Variants in ANK2 observed in about 807,000 individuals in gnomAD.
The protein encoded by ANK2 is ankyrin 2.
ANK2 carries 83 observed loss-of-function variants against 360.5 expected under a neutral mutation model. The observed-to-expected ratio is 0.23, with a 90% CI of 0.19 to 0.28. The LOEUF (loss-of-function observed/expected upper bound fraction) is 0.28, where lower values mean the gene tolerates loss of function less well. ANK2 is among the 10% of genes least tolerant of loss of function. The probability of loss-of-function intolerance (pLI) is 1.00; values close to 1 mark genes in which losing one functional copy is unlikely to be tolerated. For missense variants in ANK2, 4,201 were observed against 4,795.7 expected (o/e 0.88, Z 3.66); for synonymous variants, 1,740 against 1,759.5 (o/e 0.99, Z 0.28).
At chr4:112,911,413 C>A (rs2087318380) in intron 2 of ANK2, among the ~76,000 whole-genome samples, 1 of 151,872 alleles carries the variant, frequency 6.6e-6, no homozygotes, top group Non-Finnish European at 1.5e-5. Context: ...CTTCCTCATA[C>A]TCCGGAGGCT....
At chr4:112,975,339 C>T (rs1055258381) in intron 2 of ANK2, among the ~76,000 whole-genome samples, 2 of 151,792 alleles carry the variant, frequency 1.3e-5, no homozygotes, top group Non-Finnish European at 1.5e-5. Context: ...TTGAAGATGC[C>T]AAATGTTCCT....
chr4:112,794,555 G>A, the ANK2 span, among the ~76,000 whole-genome samples: 1 of 152,124 alleles, frequency 6.6e-6, no homozygotes, highest in African/African-American at 2.4e-5. Context: ...CAATATATAA[G>A]CCTAAATTTA....
the ANK2 span, among the ~76,000 whole-genome samples, chr4:112,713,109 G>A: frequency 6.6e-6 from 1 of 152,130 alleles, no homozygotes; most frequent in Non-Finnish European, 1.5e-5. Flanking sequence ...AAATTACCTA[G>A]AATAAAACCA....
At chr4:112,761,846 ACTC>A in the ANK2 span, among the ~76,000 whole-genome samples, 1 of 151,982 alleles carries the variant, frequency 6.6e-6, no homozygotes, top group Non-Finnish European at 1.5e-5. Context: ...TCTCCTATAA[ACTC>A]CTTGAAAGAA....
chr4:113,150,970 C>T (rs1408180709), intron 1 of ANK2: 5 of 898,394 alleles, frequency 5.6e-6, no homozygotes, highest in Non-Finnish European at 7.5e-6. Context: ...CTTTGAAGTT[C>T]CTACCAGCTA....
chr4:113,037,026 T>C lies in ANK2; in HGVS notation c.21+132512T>C, dbSNP rs181925287. On this transcript the variant is annotated intron_variant, in intron 2 of 30. Coordinates refer to the ANK2 transcript ENST00000503271. ...GGGAGCAGGGAAACTGACACAAATA[T>C]GCTGATGCTAATGTTACTTGCAGTG... Among the ~76,000 whole-genome samples, 3 of 152,096 alleles carry C rather than the reference T, an allele frequency of 2.0e-5. No individual in the cohort carries two copies. In the East Asian group the frequency reaches 5.8e-4, roughly 30 times the overall value.
the ANK2 span, among the ~76,000 whole-genome samples, chr4:112,809,393 C>G: frequency 6.6e-6 from 1 of 151,008 alleles, no homozygotes; most frequent in East Asian, 2.0e-4. Flanking sequence ...AACCCCGTCT[C>G]TACTAAATAT....
chr4:112,795,506 A>T, the ANK2 span, among the ~76,000 whole-genome samples: 1 of 151,596 alleles, frequency 6.6e-6, no homozygotes, highest in Admixed American at 6.6e-5. Context: ...ACTAGATTAA[A>T]TTTTTTTTAT....
At chr4:112,813,351 A>T (rs1419202251), upstream of ANK2, among the ~76,000 whole-genome samples, 1 of 152,112 alleles carries the variant, frequency 6.6e-6, no homozygotes, top group East Asian at 1.9e-4. Context: ...CATGTTTCCC[A>T]AAAGCAGAAT....
intron 1 of ANK2, among the ~76,000 whole-genome samples, chr4:112,869,707 G>A (rs1580132340): frequency 6.6e-6 from 1 of 152,284 alleles, no homozygotes; most frequent in East Asian, 1.9e-4. Flanking sequence ...ATTTGAGACA[G>A]ATTCTCAGTC....
At chr4:113,156,045 C>A (rs1341191080) in intron 1 of ANK2, among the ~76,000 whole-genome samples, 1 of 152,184 alleles carries the variant, frequency 6.6e-6, no homozygotes, top group Admixed American at 6.5e-5. Context: ...TTCTTTGACA[C>A]TGTTAATTCA....
chr4:113,248,436 A>G (rs922902562), intron 9 of ANK2, among the ~76,000 whole-genome samples: 12 of 152,102 alleles, frequency 7.9e-5, no homozygotes, highest in Non-Finnish European at 1.5e-4. Context: ...GTAAAGACAC[A>G]CAGCCGGATT....
intron 23 of ANK2, among the ~76,000 whole-genome samples, chr4:113,306,700 T>C (rs977480161): frequency 6.6e-6 from 1 of 152,166 alleles, no homozygotes; most frequent in Admixed American, 6.5e-5. Flanking sequence ...TATATATATA[T>C]ATTTTCAGTT....
At chr4:112,925,005 A>T (rs1197905422) in intron 2 of ANK2, among the ~76,000 whole-genome samples, 1 of 151,752 alleles carries the variant, frequency 6.6e-6, no homozygotes, top group Admixed American at 6.6e-5. Context: ...CACCCGGCTA[A>T]TTTTTTGTAT....
rs754169653 is a variant in ANK2, at chr4:113,369,822, C to T, written c.11610+17C>T. ...TTTGAAAAGGTAAGACATTCCTCTC[C>T]ACTTTCTCGCCCACCTGTAACAAAG... On this transcript the variant is annotated intron_variant, in intron 43 of 45. Transcript: ENST00000357077. The T allele has an allele frequency of 6.2e-7, 1 of 1,613,908 alleles. No homozygotes were observed. The highest frequency in any genetic ancestry group is 1.1e-5 in the South Asian group (1 of 91,026).
rs915326433 is a variant in ANK2 at position 113,294,766 on chromosome 4, T to C, written c.2475+1228T>C. ...CAGTTCACCACAATATTTTTAAAGA[T>C]TTAAGGTATAGCTTTGATAAATTAT... is the stretch of plus-strand genomic sequence containing the variant. On this transcript the variant is annotated intron_variant, in intron 22 of 45. Coordinates refer to ENST00000357077, the MANE Select transcript of ANK2 (RefSeq NM_001148.6). Among the ~76,000 whole-genome samples, 21 of 152,326 alleles carry C rather than the reference T, an allele frequency of 1.4e-4. No individual in the cohort carries two copies. The Middle Eastern group carries it at 0.014, about 99-fold the overall frequency.
At chr4:113,298,994 A>G (rs561015387) in intron 22 of ANK2, among the ~76,000 whole-genome samples, 2 of 152,356 alleles carry the variant, frequency 1.3e-5, no homozygotes, top group South Asian at 4.1e-4. Context: ...CTTCTCATGT[A>G]TAAATGATAT....
Position 113,313,138 on chromosome 4 carries a change from T to G in ANK2, c.2693+1739T>G, listed in dbSNP as rs1012078838. Among the ~76,000 whole-genome samples the G allele has an allele frequency of 2.6e-5, 4 of 152,220 alleles. No homozygotes were observed. The East Asian group carries it at 7.7e-4, about 29-fold the overall frequency. ...CCCAGAAGGAGGAGCCCCTCTGGAG[T>G]TCCATAAGCTGTCTTGATACATTGG... On this transcript the variant is annotated intron_variant, in intron 24 of 45. Coordinates refer to ENST00000357077, the MANE Select transcript of ANK2 (RefSeq NM_001148.6).
intron 31 of ANK2, among the ~76,000 whole-genome samples, chr4:113,338,543 C>CTTTGTTTTTTT (rs2093847363): frequency 1.0e-5 from 1 of 96,118 alleles, no homozygotes; most frequent in Non-Finnish European, 1.9e-5. Flanking sequence ...AGATTGTTCA[C>CTTTGTTTTTTT]TTTTTTTTTT....
Sources: allele counts gnomAD v4.1 joint callset (sites outside exome capture counted in the v4.1 genomes callset), GRCh38; gene constraint gnomAD v4.1.1; transcripts MANE v1.5; gene names NCBI Gene and HGNC (gene_info 2026-07-23, HGNC 2026-07-21).